PHF21A: variants seen among roughly 807,000 people sequenced by gnomAD.
PHF21A encodes the protein PHD finger protein 21A, also known as BHC80a.
Under a neutral mutation model 82.5 loss-of-function variants are expected in PHF21A, and 11 were observed. That is an observed-to-expected ratio of 0.13 (90% confidence interval 0.08 to 0.22). The LOEUF (loss-of-function observed/expected upper bound fraction) is 0.22. Among genes scored for constraint, PHF21A ranks in the 10% least tolerant of loss-of-function variants. The pLI, the probability that PHF21A is intolerant of heterozygous loss-of-function variation, is 1.00. For missense variants in PHF21A, 579 were observed against 837.8 expected, an observed-to-expected ratio of 0.69 and a Z score of 3.81; for synonymous variants, 297 against 302.8, an observed-to-expected ratio of 0.98 and a Z score of 0.20.
intron 18 of PHF21A, chr11:45,935,313 C>A (rs927277380): frequency 8.2e-7 from 1 of 1,217,512 alleles, no homozygotes; most frequent in Admixed American, 2.2e-5. Context: ...GCTACACTCC[C>A]CCCACACACT....
At chr11:46,014,663 CT>C (rs2095478004) in intron 6 of PHF21A, among the ~76,000 whole-genome samples, 2 of 152,182 alleles carry the variant, frequency 1.3e-5, no homozygotes, top group South Asian at 4.1e-4. Context: ...TCTCCAACAT[CT>C]GTTATTTTTG....
chr11:46,019,051 T>C (rs1217349668), intron 6 of PHF21A, among the ~76,000 whole-genome samples: 2 of 151,722 alleles, frequency 1.3e-5, no homozygotes, highest in Non-Finnish European at 2.9e-5. Context: ...GGGAAGAAAA[T>C]AAGCCTTTCT....
chr11:45,984,552 G>A (rs539523687), intron 6 of PHF21A, among the ~76,000 whole-genome samples: 9 of 152,298 alleles, frequency 5.9e-5, no homozygotes, highest in Admixed American at 4.6e-4. Context: ...AGAAAAATAC[G>A]GAATTTTATA....
chr11:45,964,615 T>C lies in PHF21A; in HGVS notation c.996+700A>G, dbSNP rs183825077. Among the ~76,000 whole-genome samples the C allele has an allele frequency of 7.2e-5, 11 of 152,354 alleles. No individual in the cohort carries two copies. In the East Asian group the frequency reaches 2.1e-3, roughly 29 times the overall value. ...CTTTTCTTTGCCAAATTCTTCTTTC[T>C]CATCACTAGTCGTTTTTCAAATAGG... On this transcript the variant is annotated intron_variant, in intron 10 of 18. Coordinates refer to ENST00000676320, the MANE Select transcript of PHF21A (RefSeq NM_001352027.3).
chr11:46,107,447 T>C (rs1369844756), intron 1 of PHF21A, among the ~76,000 whole-genome samples: 1 of 152,234 alleles, frequency 6.6e-6, no homozygotes, highest in Non-Finnish European at 1.5e-5. Context: ...TATTTATGAA[T>C]GCTACCAATG....
At chr11:45,964,638 A>C (rs1377075448) in intron 10 of PHF21A, among the ~76,000 whole-genome samples, 1 of 152,078 alleles carries the variant, frequency 6.6e-6, no homozygotes, top group Admixed American at 6.5e-5. Flanking sequence ...TTTTTCAAAT[A>C]GGATACGGTG....
intron 6 of PHF21A, among the ~76,000 whole-genome samples, chr11:45,994,867 G>A (rs184462546): frequency 2.0e-5 from 3 of 152,270 alleles, no homozygotes; most frequent in Non-Finnish European, 2.9e-5. Flanking sequence ...CGCTTTGAAT[G>A]TCTCCCTGGT....
chr11:46,105,179 C>T (rs10769186), intron 1 of PHF21A, among the ~76,000 whole-genome samples: 113,760 of 152,098 alleles, frequency 0.75, 45,136 homozygotes, highest in Non-Finnish European at 0.9. Flanking sequence ...AAGCTAGGAT[C>T]TGGGCCCATG....
chr11:45,977,686 T>G (rs1362862940), intron 7 of PHF21A, among the ~76,000 whole-genome samples: 2 of 152,210 alleles, frequency 1.3e-5, no homozygotes, highest in African/African-American at 4.8e-5. Context: ...TAAAGTCAGT[T>G]TTGAATGCCT....
intron 1 of PHF21A, among the ~76,000 whole-genome samples, chr11:46,108,779 T>C (rs866074144): frequency 6.6e-6 from 1 of 152,162 alleles, no homozygotes; most frequent in Non-Finnish European, 1.5e-5. Context: ...CTGACTGAAA[T>C]AGTGAATGTA....
At chr11:45,948,276 G>A (rs180739118) in intron 14 of PHF21A, among the ~76,000 whole-genome samples, 11 of 152,332 alleles carry the variant, frequency 7.2e-5, no homozygotes, top group Admixed American at 3.3e-4. Context: ...CTGCCTAAGA[G>A]TAAGATTCTG....
chr11:46,079,356 C>A (rs2096762928), intron 4 of PHF21A, among the ~76,000 whole-genome samples, 190 bp from the exon 5 acceptor site: 7 of 152,152 alleles, frequency 4.6e-5, no homozygotes, highest in Admixed American at 4.6e-4. Flanking sequence ...ATAAAAAAAT[C>A]AAACCACCAC....
chr11:45,973,725 C>T (rs996497565), intron 7 of PHF21A, among the ~76,000 whole-genome samples: 1 of 152,168 alleles, frequency 6.6e-6, no homozygotes, highest in African/African-American at 2.4e-5. Context: ...AGTGTATTAG[C>T]CCTTGTTTTC....
At chr11:46,079,632 C>T (rs1271980820) in intron 4 of PHF21A, among the ~76,000 whole-genome samples, 3 of 152,204 alleles carry the variant, frequency 2.0e-5, no homozygotes, top group African/African-American at 7.2e-5. Flanking sequence ...TCCCATGTGA[C>T]TTTGCCACTG....
chr11:46,063,641 C>T (rs1020140663), intron 6 of PHF21A, among the ~76,000 whole-genome samples: 1 of 151,848 alleles, frequency 6.6e-6, no homozygotes, highest in Non-Finnish European at 1.5e-5. Flanking sequence ...AGAAGGATAC[C>T]CTGAAGTAAT....
intron 6 of PHF21A, among the ~76,000 whole-genome samples, chr11:46,000,013 A>G (rs1378524299): frequency 6.6e-6 from 1 of 152,218 alleles, no homozygotes; most frequent in South Asian, 2.1e-4. Flanking sequence ...AACAACATTG[A>G]TAAGTAAAAA....
At chr11:46,022,201 C>A (rs1297341492) in intron 6 of PHF21A, among the ~76,000 whole-genome samples, 1 of 152,050 alleles carries the variant, frequency 6.6e-6, no homozygotes, top group Non-Finnish European at 1.5e-5. Flanking sequence ...CCCTGTAATT[C>A]CAGCACTTTG....
intron 6 of PHF21A, among the ~76,000 whole-genome samples, chr11:46,022,374 T>C (rs2095649043): frequency 2.0e-5 from 3 of 152,158 alleles, no homozygotes; most frequent in African/African-American, 7.2e-5. Context: ...AGGATCACTT[T>C]AGCCCAGGAG....
chr11:46,036,307 G>C (rs930793101), intron 6 of PHF21A, among the ~76,000 whole-genome samples: 2 of 152,216 alleles, frequency 1.3e-5, no homozygotes, highest in African/African-American at 4.8e-5. Flanking sequence ...AGGACATCCT[G>C]AGTCTAAGAT....
Sources: allele counts gnomAD v4.1 joint callset (sites outside exome capture counted in the v4.1 genomes callset), GRCh38; gene constraint gnomAD v4.1.1; transcripts MANE v1.5; gene names NCBI Gene and HGNC (gene_info 2026-07-23, HGNC 2026-07-21).